PTPRN2: variants seen among roughly 807,000 people sequenced by gnomAD.
PTPRN2 encodes the protein receptor-type tyrosine-protein phosphatase N2.
In PTPRN2, 74 loss-of-function variants were observed where a neutral mutation model predicts 118.8. The ratio of observed to expected loss-of-function variants is 0.62; its 90% CI spans 0.52 to 0.76. The LOEUF (loss-of-function observed/expected upper bound fraction) is 0.76, where lower values mean the gene tolerates loss of function less well. Among genes scored for constraint, PTPRN2 ranks in the 30% least tolerant of loss-of-function variants. PTPRN2 has a pLI of 0.00. For missense variants in PTPRN2, 1,481 were observed against 1,394.4 expected, an observed-to-expected ratio of 1.06 and a Z score of -0.99; for synonymous variants, 641 against 608.0, an observed-to-expected ratio of 1.05 and a Z score of -0.80.
chr7:157,670,651 T>C (rs1279914512), intron 13 of PTPRN2, among the ~76,000 whole-genome samples: 1 of 151,942 alleles, frequency 6.6e-6, no homozygotes, highest in Non-Finnish European at 1.5e-5. Flanking sequence ...GTGAGACAAA[T>C]CCCTCCCTTC....
At position 157,603,571 on chromosome 7, in the gene PTPRN2, C is replaced by T. The variant is rs1350383059; in HGVS notation, c.2418+431G>A. On this transcript the variant is annotated intron_variant, in intron 16 of 22. Transcript: ENST00000389418. The surrounding 1 kb of genome is among the most constrained non-coding windows in gnomAD (Gnocchi z 5.4). ...ACTGGAAATACTTCAGGAAAACGAA[C>T]CTGAAATTCTGGACCTGCCTCCAAG... Among the ~76,000 whole-genome samples the T allele has an allele frequency of 3.9e-5, 6 of 152,218 alleles. No individual in the cohort carries two copies. Among genetic ancestry groups the T allele is most frequent in the African/African-American group, 1.4e-4 (6 of 41,460 alleles).
chr7:157,783,555 T>C (rs113798735), intron 12 of PTPRN2, among the ~76,000 whole-genome samples: 1 of 149,660 alleles, frequency 6.7e-6, no homozygotes, highest in African/African-American at 2.5e-5. Context: ...CCACTAATTC[T>C]GAGCATGCAG....
intron 17 of PTPRN2, among the ~76,000 whole-genome samples, chr7:157,589,788 T>C (rs371739597): frequency 2.6e-5 from 4 of 152,270 alleles, no homozygotes; most frequent in African/African-American, 9.6e-5. Context: ...AAAAAGAAAA[T>C]TAGGATTTTA....
chr7:158,384,150 A>C (rs1425862347), intron 2 of PTPRN2, among the ~76,000 whole-genome samples: 1 of 152,224 alleles, frequency 6.6e-6, no homozygotes, highest in Admixed American at 6.5e-5. Context: ...GGGCTCGCTC[A>C]AGGTACTTGG....
At chr7:157,988,651 T>G (rs1312157920) in intron 11 of PTPRN2, among the ~76,000 whole-genome samples, 1 of 152,170 alleles carries the variant, frequency 6.6e-6, no homozygotes, top group African/African-American at 2.4e-5. Context: ...ACAGGGGGGC[T>G]GGAGGGAACC....
At chr7:158,087,335 C>G (rs1172555688) in intron 10 of PTPRN2, among the ~76,000 whole-genome samples, 2 of 152,190 alleles carry the variant, frequency 1.3e-5, no homozygotes, top group African/African-American at 4.8e-5. Context: ...CAGTGAAGAT[C>G]TCATGAGGAA....
At chr7:158,042,635 CGG>C (rs1374083929) in intron 11 of PTPRN2, among the ~76,000 whole-genome samples, 1 of 152,160 alleles carries the variant, frequency 6.6e-6, no homozygotes, top group East Asian at 1.9e-4. Flanking sequence ...CTGCAAGCTT[CGG>C]GAGGGCAGGG....
In PTPRN2 at chr7:158,386,088, C is replaced by T. The variant is rs112822840; in HGVS notation, c.164-69156G>A. The stretch of plus-strand genomic sequence containing the variant: ...CTTCTGTACCCTTCCTCCCTCCTCC[C>T]GTGCCCCAAGTCCCTCCTCCCATGC... On this transcript the variant is annotated intron_variant, in intron 2 of 22. Coordinates refer to ENST00000389418, the MANE Select transcript of PTPRN2 (RefSeq NM_002847.5). Among the ~76,000 whole-genome samples, 77 of 121,514 alleles carry T rather than the reference C, an allele frequency of 6.3e-4. 1 individual carries two copies. The highest frequency in any genetic ancestry group is 7.4e-3 in the Middle Eastern group (1 of 136). 79.7% of individuals were successfully genotyped at this position (121,514 alleles called of 152,430 possible).
intron 2 of PTPRN2, among the ~76,000 whole-genome samples, chr7:158,412,609 G>C (rs1489784240): frequency 1.5e-5 from 1 of 68,462 alleles, no homozygotes; most frequent in Non-Finnish European, 2.7e-5. Flanking sequence ...CCCATCCAGT[G>C]CCCTCCTCAG....
At chr7:157,653,120 G>A (rs952268498) in intron 14 of PTPRN2, among the ~76,000 whole-genome samples, 2 of 152,298 alleles carry the variant, frequency 1.3e-5, no homozygotes, top group Middle Eastern at 6.8e-3. Flanking sequence ...CCCCCAGACG[G>A]TGCAGCCGGC....
At chr7:157,549,931 T>C (rs1479315438) in intron 21 of PTPRN2, among the ~76,000 whole-genome samples, 1 of 152,146 alleles carries the variant, frequency 6.6e-6, no homozygotes, top group African/African-American at 2.4e-5. Context: ...CTGAGAACTG[T>C]GGTCACCCGA....
rs574025361 is a variant in PTPRN2 at position 158,372,372 on chromosome 7, C to T, written c.164-55440G>A. ...TGGAGCTGGACACCCCCAGGCTGGACCCCAGAGCTGGCCTCCCCAATGCTG... is the reference window on the plus strand; with the variant it reads ...TGGAGCTGGACACCCCCAGGCTGGATCCCAGAGCTGGCCTCCCCAATGCTG... On this transcript the variant is annotated intron_variant, in intron 2 of 22. Transcript: ENST00000389418. Among the ~76,000 whole-genome samples, 31 of 145,434 alleles carry T rather than the reference C, an allele frequency of 2.1e-4. 3 individuals are homozygous for T. The highest frequency in any genetic ancestry group is 6.0e-4 in the African/African-American group (23 of 38,390).
intron 11 of PTPRN2, among the ~76,000 whole-genome samples, chr7:158,057,085 T>C (rs1006659809): frequency 6.6e-6 from 1 of 152,212 alleles, no homozygotes; most frequent in African/African-American, 2.4e-5. Context: ...TCGGGGACGC[T>C]GCCCAGCTCC....
intron 10 of PTPRN2, among the ~76,000 whole-genome samples, chr7:158,103,995 G>A (rs1815458685): frequency 1.3e-5 from 2 of 152,010 alleles, no homozygotes; most frequent in Non-Finnish European, 2.9e-5. Context: ...CCAAGTAGCT[G>A]GGATTACAGG....
chr7:158,184,928 A>G (rs1585772409), intron 5 of PTPRN2, among the ~76,000 whole-genome samples: 1 of 152,214 alleles, frequency 6.6e-6, no homozygotes, highest in Non-Finnish European at 1.5e-5. Context: ...CAGTTGATGT[A>G]ATCTTAGATG....
At chr7:158,332,432 A>T in intron 2 of PTPRN2, among the ~76,000 whole-genome samples, 1 of 150,950 alleles carries the variant, frequency 6.6e-6, no homozygotes, top group Non-Finnish European at 1.5e-5. Context: ...TGACACCTGC[A>T]GACGTCACTC....
intron 10 of PTPRN2, among the ~76,000 whole-genome samples, chr7:158,097,655 G>A (rs1015948007): frequency 6.6e-6 from 1 of 152,174 alleles, no homozygotes; most frequent in Non-Finnish European, 1.5e-5. Flanking sequence ...CGCGGAAGGC[G>A]GCCTGGCATC....
intron 1 of PTPRN2, among the ~76,000 whole-genome samples, chr7:158,579,561 A>G (rs1010949230): frequency 6.6e-6 from 1 of 152,236 alleles, no homozygotes; most frequent in African/African-American, 2.4e-5. Context: ...ATATGAGTGC[A>G]AGTGCAAACT....
At chr7:157,789,924 TTGTG>T (rs1040122933) in intron 12 of PTPRN2, among the ~76,000 whole-genome samples, 4 of 148,856 alleles carry the variant, frequency 2.7e-5, no homozygotes, top group South Asian at 2.2e-4. Context: ...GTGTGGTATG[TTGTG>T]TGTGTATGGT....
Sources: gnomAD v4.1 joint callset for allele counts (sites outside exome capture counted in the v4.1 genomes callset) on GRCh38, gnomAD v4.1.1 for gene constraint, Gnocchi (gnomAD v3.1) non-coding constraint, MANE v1.5 for transcripts, NCBI Gene and HGNC (gene_info 2026-07-23, HGNC 2026-07-21) for gene names.